SLC12A9: variants seen among roughly 807,000 people sequenced by gnomAD.
SLC12A9 encodes the protein solute carrier family 12 member 9.
In SLC12A9, 55 loss-of-function variants were observed where a neutral mutation model predicts 66.0. That is an observed-to-expected ratio of 0.83 (90% CI 0.67 to 1.04). SLC12A9 has a LOEUF of 1.04. Among genes scored for constraint, SLC12A9 ranks in the 50% least tolerant of loss-of-function variants. SLC12A9 has a pLI of 0.00. For synonymous variants in SLC12A9, 577 were observed against 569.0 expected, an observed-to-expected ratio of 1.01 and a Z score of -0.20; for missense variants, 1,061 against 1,241.9, an observed-to-expected ratio of 0.85 and a Z score of 2.19.
At chr7:100,857,775 G>T in intron 5 of SLC12A9, 1 of 153,502 alleles carries the variant, frequency 6.5e-6, no homozygotes, top group East Asian at 1.9e-4. Context: ...AGCTGGGCAC[G>T]CTGGCTTGCA....
chr7:100,843,133 G>A (rs1306010447), intron 1 of SLC12A9, among the ~76,000 whole-genome samples: 5 of 152,330 alleles, frequency 3.3e-5, no homozygotes, highest in South Asian at 4.1e-4. Context: ...GCACTCTGCC[G>A]AATAACTGGA....
In SLC12A9 at chr7:100,866,542, C is replaced by A; in HGVS notation, c.2682C>A (p.Thr894=). 6.3e-7 allele frequency: 1 copy of A among 1,585,132 alleles called. No homozygotes were observed. Among genetic ancestry groups the A allele is most frequent in the Non-Finnish European group, 8.6e-7 (1 of 1,166,858 alleles). The change falls in exon 14 of 14, where the codon ACC becomes ACA. Residue 894 remains threonine (T), a synonymous_variant. Transcript: ENST00000354161. The surrounding 1 kb of genome is among the most constrained non-coding windows in gnomAD (Gnocchi z 7.3). The part of the protein sequence containing the change: ...PRYLALLETL[T]RDLGPTLLVH... ...ACCTGGCGCTACTGGAGACTCTAAC[C>A]CGAGACCTGGGCCCCACGCTGCTGG... is the stretch of plus-strand genomic sequence containing the variant.
At position 100,854,754 on chromosome 7, in the gene SLC12A9, T is replaced by C; in HGVS notation, c.316T>C (p.Phe106Leu). The C allele has an allele frequency of 6.2e-7, 1 of 1,613,952 alleles. No homozygotes were observed. Among genetic ancestry groups the C allele is most frequent in the Non-Finnish European group, 8.5e-7 (1 of 1,180,002 alleles). Reference sequence around the variant, plus strand: ...AGCCGTGCAGGGGGGCGGAGCCTACTGTATCCTCCAACATCGATGGACTGG... The same window carrying C: ...AGCCGTGCAGGGGGGCGGAGCCTACCGTATCCTCCAACATCGATGGACTGG... ...NGAVQGGGAY[F>L]MISRTLGPEV... Residue 106 changes from phenylalanine (F) to leucine (L), a missense_variant and splice_region_variant, in exon 3 of 14, where the codon TTC (phenylalanine) becomes CTC (leucine). Coordinates refer to ENST00000354161, the MANE Select transcript of SLC12A9 (RefSeq NM_020246.4).
rs1010790856 is a variant in SLC12A9, at chr7:100,865,894, C to A, written c.2034C>A (p.Leu678=). ...PPRAPGSPRA[L]NPQDYVATVA... Reference sequence around the variant, plus strand: ...GGGCTCCTGGGAGCCCCCGGGCCCTCAATCCCCAGGACTATGTGGCCACGG... The same window carrying A: ...GGGCTCCTGGGAGCCCCCGGGCCCTAAATCCCCAGGACTATGTGGCCACGG... The change falls in exon 14 of 14, where the codon CTC becomes CTA. Residue 678 remains leucine (L), a synonymous_variant. Coordinates refer to ENST00000354161, the MANE Select transcript of SLC12A9 (RefSeq NM_020246.4). 3 of 1,613,558 alleles carry A rather than the reference C, an allele frequency of 1.9e-6. No individual in the cohort carries two copies. The African/African-American group carries it at 4.0e-5, about 22-fold the overall frequency.
At chr7:100,859,365 A>T (rs1279911270) in intron 7 of SLC12A9, 2 of 592,734 alleles carry the variant, frequency 3.4e-6, no homozygotes. Context: ...GAGGGTGGGT[A>T]GTGGCTTTCT....
chr7:100,855,688 C>G lies in SLC12A9; in HGVS notation c.317-18C>G, dbSNP rs767307380. ...TTCAGTCTTTTCCCTTAATGCTCACCCCTGCTTCCACTTTCAGTCATGATC... is the reference window on the plus strand; with the variant it reads ...TTCAGTCTTTTCCCTTAATGCTCACGCCTGCTTCCACTTTCAGTCATGATC... On this transcript the variant is annotated intron_variant, in intron 3 of 13. Coordinates refer to ENST00000354161, the MANE Select transcript of SLC12A9 (RefSeq NM_020246.4). The G allele has an allele frequency of 6.8e-5, 109 of 1,613,860 alleles. No homozygotes were observed. Among genetic ancestry groups the G allele is most frequent in the Admixed American group, 1.7e-4 (10 of 59,992 alleles).
rs758854929 is a variant in SLC12A9 at position 100,861,727 on chromosome 7, CT to C, written c.1537-9del. The C allele has an allele frequency of 1.9e-6, 3 of 1,614,138 alleles. No homozygotes were observed. Among genetic ancestry groups the C allele is most frequent in the African/African-American group, 2.7e-5 (2 of 75,016 alleles). On this transcript the variant is annotated splice_polypyrimidine_tract_variant and intron_variant, in intron 11 of 13. Transcript: ENST00000354161. This position sits in a 1 kb window ranked among gnomAD's most constrained non-coding sequence, Gnocchi z 5.3. ...CTGCCACTTCCCCACTGCCTCACCC[CT>C]ATACCCAGGTGCGTAAGTATCTGCT...
chr7:100,866,723 C>T lies in SLC12A9; in HGVS notation c.*118C>T. On this transcript the variant is annotated 3_prime_UTR_variant, in exon 14 of 14. Coordinates refer to ENST00000354161, the MANE Select transcript of SLC12A9 (RefSeq NM_020246.4). This position sits in a 1 kb window ranked among gnomAD's most constrained non-coding sequence, Gnocchi z 7.3. ...TGGCCCTGCCCTTGGGACGTGGAGC[C>T]CAGGGGAGGTTTGAAGGGGATCCTG... 8.7e-7 allele frequency: 1 copy of T among 1,152,738 alleles called. No homozygotes were observed. Among genetic ancestry groups the T allele is most frequent in the Non-Finnish European group, 1.2e-6 (1 of 856,318 alleles). The allele number at this position is 1,152,738 out of a possible 1,614,324, so 71.4% of individuals were successfully genotyped here. A position where few individuals can be genotyped will look rare whatever the true frequency, so the allele number is the denominator to read the frequency against.
At chr7:100,840,236 G>T (rs986937843) in intron 1 of SLC12A9, among the ~76,000 whole-genome samples, 5 of 152,094 alleles carry the variant, frequency 3.3e-5, no homozygotes, top group Non-Finnish European at 7.4e-5. Flanking sequence ...AAGAAGCATA[G>T]GTCAGGCACA....
In SLC12A9 at chr7:100,862,821, G is replaced by A. The variant is rs1039496201; in HGVS notation, c.1852G>A (p.Gly618Ser). Reference sequence around the variant, plus strand: ...GGCTCAGCATCTGCTGCGAATCTCCGGCCTCGGTGAGCTGCTTCTCCCTGG... The same window carrying A: ...GGCTCAGCATCTGCTGCGAATCTCCAGCCTCGGTGAGCTGCTTCTCCCTGG... Reference protein sequence around the residue: ...QGAQHLLRISGLGGMKPNTLV... With the variant: ...QGAQHLLRISSLGGMKPNTLV... Residue 618 changes from glycine (G) to serine (S), a missense_variant, in exon 13 of 14, where the codon GGC becomes AGC. Physicochemically the swap from Gly to Ser is moderately conservative, Grantham distance 56 (BLOSUM62 0). Transcript: ENST00000354161. 6 of 1,613,904 alleles carry A rather than the reference G, an allele frequency of 3.7e-6. No individual in the cohort carries two copies. The highest frequency in any genetic ancestry group is 4.2e-6 in the Non-Finnish European group (5 of 1,180,032).
Position 100,861,991 on chromosome 7 carries a change from G to A in SLC12A9, c.1711+80G>A, listed in dbSNP as rs1228141359. 9.9e-6 allele frequency: 14 copies of A among 1,408,648 alleles called. No individual in the cohort carries two copies. In the Admixed American group the frequency reaches 1.4e-4, roughly 14 times the overall value. 87.3% of individuals were successfully genotyped at this position (1,408,648 alleles called of 1,614,324 possible). On this transcript the variant is annotated intron_variant, in intron 12 of 13. Transcript: ENST00000354161. The surrounding 1 kb of genome is among the most constrained non-coding windows in gnomAD (Gnocchi z 5.3). ...TTTTTTTTTTTTGAGATGGAGCTTCGTTCTGTTGCCCAGGCTGGAGTGCAG... is the reference window on the plus strand; with the variant it reads ...TTTTTTTTTTTTGAGATGGAGCTTCATTCTGTTGCCCAGGCTGGAGTGCAG...
chr7:100,828,046 G>GA (rs1295168373), intron 1 of SLC12A9, among the ~76,000 whole-genome samples: 3 of 152,068 alleles, frequency 2.0e-5, no homozygotes, highest in Non-Finnish European at 4.4e-5. Flanking sequence ...AAGCTTTGGA[G>GA]AATTGACGGC....
chr7:100,843,667 C>A (rs1813835285), intron 1 of SLC12A9, among the ~76,000 whole-genome samples: 1 of 152,188 alleles, frequency 6.6e-6, no homozygotes, highest in African/African-American at 2.4e-5. Flanking sequence ...ATAAACTAAC[C>A]CTTAGGCAAA....
chr7:100,856,807 T>C, intron 4 of SLC12A9, 61 bp from the exon 5 acceptor site: 1 of 1,469,850 alleles, frequency 6.8e-7, no homozygotes, highest in South Asian at 1.3e-5. Flanking sequence ...CCGCCCACCA[T>C]GCCCGGCTGG....
intron 1 of SLC12A9, among the ~76,000 whole-genome samples, chr7:100,847,187 T>C (rs116689206): frequency 0.017 from 2,583 of 152,304 alleles, 76 homozygotes; most frequent in African/African-American, 0.059. Flanking sequence ...CCTGCTACAT[T>C]AATGGAAATA....
rs375176821 is a variant in SLC12A9 at position 100,861,118 on chromosome 7, G to A, written c.1219-20G>A. On this transcript the variant is annotated intron_variant, in intron 9 of 13. Transcript: ENST00000354161. The surrounding 1 kb of genome is among the most constrained non-coding windows in gnomAD (Gnocchi z 5.3). ...CACTGGCACTTTGGAACAACGGCAC[G>A]CCTCTTGGCCCTTGCCCAGCTGGTG... 261 of 1,614,130 alleles carry A rather than the reference G, an allele frequency of 1.6e-4. No individual in the cohort carries two copies. The African/African-American group carries it at 3.1e-3, about 19-fold the overall frequency.
upstream of SLC12A9, among the ~76,000 whole-genome samples, chr7:100,848,644 T>C (rs1042657526): frequency 2.0e-5 from 3 of 152,146 alleles, no homozygotes; most frequent in Non-Finnish European, 4.4e-5. Context: ...TCCAGCACTT[T>C]GGGAGGCCAA....
Position 100,855,703 on chromosome 7 carries a change from C to A in SLC12A9, c.317-3C>A, listed in dbSNP as rs755988636. On this transcript the variant is annotated splice_region_variant and splice_polypyrimidine_tract_variant and intron_variant, in intron 3 of 13. Transcript: ENST00000354161. ...TAATGCTCACCCCTGCTTCCACTTTCAGTCATGATCAGCCGCACACTGGGG... is the reference window on the plus strand; with the variant it reads ...TAATGCTCACCCCTGCTTCCACTTTAAGTCATGATCAGCCGCACACTGGGG... 6.2e-7 allele frequency: 1 copy of A among 1,614,098 alleles called. No homozygotes were observed. The highest frequency in any genetic ancestry group is 1.1e-5 in the South Asian group (1 of 91,074).
At position 100,834,499 on chromosome 7, in the gene SLC12A9, CTA is replaced by C. The variant is rs1322229014; in HGVS notation, n.228+7454_228+7455del. On this transcript the variant is annotated intron_variant and non_coding_transcript_variant, in intron 1 of 1. Coordinates refer to the SLC12A9 transcript ENST00000461016. ...GGAAACCAGTGCAGCATCCAAGTGA[CTA>C]TGTGGGTTTGAACCCAGATAGGCGT... Among the ~76,000 whole-genome samples the C allele has an allele frequency of 2.6e-5, 4 of 152,236 alleles. No individual in the cohort carries two copies. The South Asian group carries it at 6.2e-4, about 24-fold the overall frequency.
Sources: gnomAD v4.1 joint callset for allele counts (sites outside exome capture counted in the v4.1 genomes callset) on GRCh38, gnomAD v4.1.1 for gene constraint, Gnocchi (gnomAD v3.1) non-coding constraint, MANE v1.5 for transcripts, NCBI Gene and HGNC (gene_info 2026-07-23, HGNC 2026-07-21) for gene names.